Variants in OSBPL1A observed in about 807,000 individuals in gnomAD.
OSBPL1A encodes the protein oxysterol binding protein like 1A.
A neutral mutation model predicts 137.1 loss-of-function variants in OSBPL1A; 80 were observed. The observed-to-expected ratio is 0.58, with a 90% CI of 0.49 to 0.70. The LOEUF (loss-of-function observed/expected upper bound fraction) is 0.70. OSBPL1A is among the 30% of genes least tolerant of loss of function. The probability of loss-of-function intolerance (pLI) is 0.00; values close to 1 mark genes in which losing one functional copy is unlikely to be tolerated. For missense variants in OSBPL1A, 970 were observed against 1,129.4 expected (o/e 0.86, Z 2.02); for synonymous variants, 365 against 389.7 (o/e 0.94, Z 0.75).
At chr18:24,178,922 G>C (rs757465846) in intron 20 of OSBPL1A, 1 of 152,090 alleles carries the variant, frequency 6.6e-6, no homozygotes, top group Non-Finnish European at 1.5e-5. Flanking sequence ...CAAGACACAG[G>C]CTAGCTCAAG....
intron 4 of OSBPL1A, among the ~76,000 whole-genome samples, chr18:24,353,560 A>T (rs1430738802): frequency 5.9e-5 from 9 of 151,830 alleles, no homozygotes; most frequent in African/African-American, 2.2e-4. Flanking sequence ...CAGCCATCCC[A>T]TTACTGGGTA....
chr18:24,294,051 T>A (rs1202292477), intron 14 of OSBPL1A, among the ~76,000 whole-genome samples: 1 of 151,642 alleles, frequency 6.6e-6, no homozygotes, highest in Admixed American at 6.6e-5. Flanking sequence ...CCTCTCAGAT[T>A]TTTTTTTTCA....
intron 21 of OSBPL1A, among the ~76,000 whole-genome samples, chr18:24,175,104 G>GTATATATATATATATATATATATA: frequency 2.3e-5 from 1 of 42,720 alleles, no homozygotes; most frequent in East Asian, 8.1e-4. Context: ...TTTGCCATGT[G>GTATATATATATATATATATATATA]TATGTATATA....
intron 13 of OSBPL1A, among the ~76,000 whole-genome samples, chr18:24,305,178 T>C (rs1486028913): frequency 4.6e-5 from 7 of 152,212 alleles, no homozygotes; most frequent in Non-Finnish European, 1.0e-4. Context: ...AAGTAAGCAA[T>C]GGCTTCAATT....
At chr18:24,362,129 A>G (rs904934438) in intron 4 of OSBPL1A, among the ~76,000 whole-genome samples, 18 of 152,190 alleles carry the variant, frequency 1.2e-4, no homozygotes, top group African/African-American at 3.9e-4. Context: ...AGATGTTAGG[A>G]AAGAATTTAT....
At chr18:24,314,487 G>A in intron 11 of OSBPL1A, 140 bp from the exon 12 acceptor site, 1 of 527,672 alleles carries the variant, frequency 1.9e-6, no homozygotes. Context: ...ATAAAAATTG[G>A]AAAAAAATAG....
chr18:24,268,396 A>AG (rs952900392), intron 15 of OSBPL1A, among the ~76,000 whole-genome samples: 1 of 152,172 alleles, frequency 6.6e-6, no homozygotes, highest in Non-Finnish European at 1.5e-5. Flanking sequence ...CTGCGATTAC[A>AG]GGTGTGAGCC....
chr18:24,325,103 G>GAA (rs1174748793), intron 7 of OSBPL1A, among the ~76,000 whole-genome samples: 6 of 151,888 alleles, frequency 4.0e-5, no homozygotes, highest in African/African-American at 1.5e-4. Context: ...AAAAAAGAAA[G>GAA]AAAGAAAGAA....
At chr18:24,183,496 G>T in intron 18 of OSBPL1A, among the ~76,000 whole-genome samples, 1 of 150,350 alleles carries the variant, frequency 6.7e-6, no homozygotes, top group East Asian at 2.0e-4. Flanking sequence ...GCAAAGGCGC[G>T]ATCTCGGCTC....
At chr18:24,249,077 T>G (rs2088991890) in intron 15 of OSBPL1A, among the ~76,000 whole-genome samples, 2 of 152,222 alleles carry the variant, frequency 1.3e-5, no homozygotes, top group Admixed American at 1.3e-4. Context: ...TTAAAATAAT[T>G]TGATGCAAGT....
intron 19 of OSBPL1A, among the ~76,000 whole-genome samples, chr18:24,180,612 T>C (rs9949766): frequency 0.85 from 128,672 of 152,128 alleles, 54,641 homozygotes; most frequent in East Asian, 0.89. Flanking sequence ...CGGTGGCTCA[T>C]GCCTGTAATC....
rs756649992 is a variant in OSBPL1A at position 24,311,915 on chromosome 18, G to A, written c.1092+69C>T. On this transcript the variant is annotated intron_variant, in intron 13 of 27. Transcript: ENST00000319481. ...TAATTTCAAAACCTTACATCTTAAA[G>A]AAAAAAGTTCTTGATTAAACCTCAT... 3.2e-6 allele frequency: 5 copies of A among 1,568,172 alleles called. No individual in the cohort carries two copies. The East Asian group carries it at 1.1e-4, about 35-fold the overall frequency.
At chr18:24,197,706 T>A (rs763667743) in intron 17 of OSBPL1A, among the ~76,000 whole-genome samples, 29 of 152,160 alleles carry the variant, frequency 1.9e-4, no homozygotes, top group Non-Finnish European at 4.1e-4. Flanking sequence ...ATCCCTGCCA[T>A]TATCTATGCT....
intron 4 of OSBPL1A, among the ~76,000 whole-genome samples, chr18:24,352,491 C>T (rs957160060): frequency 6.6e-6 from 1 of 152,118 alleles, no homozygotes; most frequent in Non-Finnish European, 1.5e-5. Context: ...TCATACTGCC[C>T]AAGGTAATTT....
chr18:24,283,157 C>T (rs2588580), intron 14 of OSBPL1A, among the ~76,000 whole-genome samples: 93 of 149,334 alleles, frequency 6.2e-4, no homozygotes, highest in African/African-American at 2.2e-3. Flanking sequence ...CCCAGCTACT[C>T]GGGAGACTGA....
At chr18:24,236,875 T>C (rs1200839932) in intron 16 of OSBPL1A, among the ~76,000 whole-genome samples, 1 of 152,146 alleles carries the variant, frequency 6.6e-6, no homozygotes, top group East Asian at 1.9e-4. Flanking sequence ...ACTATTAAAA[T>C]ATTACTGAGA....
intron 1 of OSBPL1A, among the ~76,000 whole-genome samples, chr18:24,382,234 TAA>T (rs549411882): frequency 0.4 from 47,436 of 117,542 alleles, 9,982 homozygotes; most frequent in East Asian, 0.82. Context: ...ACGTCTCTAC[TAA>T]AAAAAAAAAA....
intron 15 of OSBPL1A, among the ~76,000 whole-genome samples, chr18:24,241,211 C>G (rs2088678934): frequency 6.6e-6 from 1 of 152,156 alleles, no homozygotes; most frequent in Non-Finnish European, 1.5e-5. Flanking sequence ...AGGACATAGG[C>G]ATGGGCAAGG....
At chr18:24,317,012 T>C in intron 11 of OSBPL1A, 137 bp downstream of exon 11, 1 of 778,310 alleles carries the variant, frequency 1.3e-6, no homozygotes, top group South Asian at 2.4e-5. Flanking sequence ...TGTTATCAAA[T>C]TAAAATATAT....
Sources: allele counts gnomAD v4.1 joint callset (sites outside exome capture counted in the v4.1 genomes callset), GRCh38; gene constraint gnomAD v4.1.1; transcripts MANE v1.5; gene names NCBI Gene and HGNC (gene_info 2026-07-23, HGNC 2026-07-21).